The following PGCKA1 variants were observed in gnomAD, a reference collection of about 807,000 sequenced individuals.
PGCKA1 encodes PDCD10 and GCKIII kinases-associated protein 1.
At chr4:37,504,905 C>G in the PGCKA1 span, among the ~76,000 whole-genome samples, 3 of 152,100 alleles carry the variant, frequency 2.0e-5, no homozygotes, top group Admixed American at 2.0e-4. Context: ...TCTGGATGCC[C>G]TTTATTTCTT....
the PGCKA1 span, among the ~76,000 whole-genome samples, chr4:37,484,900 A>G: frequency 6.6e-6 from 1 of 152,236 alleles, no homozygotes; most frequent in African/African-American, 2.4e-5. Flanking sequence ...TCAGCCACCC[A>G]GTTTATGGTA....
chr4:37,482,017 T>C, the PGCKA1 span, among the ~76,000 whole-genome samples: 11 of 152,220 alleles, frequency 7.2e-5, no homozygotes, highest in Admixed American at 7.2e-4. Context: ...TCTGCCATGA[T>C]TGTAAGTTTC....
the PGCKA1 span, among the ~76,000 whole-genome samples, chr4:37,486,196 A>G: frequency 7.9e-5 from 12 of 152,082 alleles, no homozygotes; most frequent in African/African-American, 2.4e-4. Flanking sequence ...CATTTTATCC[A>G]TCTAAGCTGA....
chr4:37,459,618 G>A, the PGCKA1 span, among the ~76,000 whole-genome samples: 2 of 151,992 alleles, frequency 1.3e-5, no homozygotes, highest in Admixed American at 6.6e-5. Context: ...TAACCATCTG[G>A]GAGCTTGTTG....
the PGCKA1 span, among the ~76,000 whole-genome samples, chr4:37,510,149 A>C: frequency 3.3e-5 from 5 of 152,178 alleles, no homozygotes; most frequent in Non-Finnish European, 4.4e-5. Flanking sequence ...AGTTTCCTTA[A>C]AACAGCTATT....
At chr4:37,555,694 C>T in the PGCKA1 span, among the ~76,000 whole-genome samples, 1 of 152,158 alleles carries the variant, frequency 6.6e-6, no homozygotes, top group African/African-American at 2.4e-5. Context: ...GGTCTCGATC[C>T]TCTGCACAGC....
the PGCKA1 span, among the ~76,000 whole-genome samples, chr4:37,587,523 A>G: frequency 1.3e-5 from 2 of 152,208 alleles, no homozygotes; most frequent in African/African-American, 2.4e-5. Flanking sequence ...ATGAAGCAGC[A>G]TCCCTGGAAA....
the PGCKA1 span, among the ~76,000 whole-genome samples, chr4:37,477,283 G>A: frequency 6.6e-6 from 1 of 152,168 alleles, no homozygotes. Flanking sequence ...CTAAGGGAAA[G>A]AAACCAGACA....
chr4:37,565,117 G>A, the PGCKA1 span, among the ~76,000 whole-genome samples: 7 of 152,172 alleles, frequency 4.6e-5, no homozygotes, highest in Admixed American at 1.3e-4. Context: ...CTGTCCCCAC[G>A]AGGGTACAGG....
At chr4:37,537,446 A>G in the PGCKA1 span, among the ~76,000 whole-genome samples, 1,370 of 152,354 alleles carry the variant, frequency 9.0e-3, 20 homozygotes, top group African/African-American at 0.031. Flanking sequence ...GCTTACATGT[A>G]CAAATTTGCA....
At chr4:37,472,530 T>A in the PGCKA1 span, among the ~76,000 whole-genome samples, 2 of 152,152 alleles carry the variant, frequency 1.3e-5, no homozygotes, top group South Asian at 4.1e-4. Context: ...TCCTAAAGAG[T>A]TCTTGAGTAA....
the PGCKA1 span, among the ~76,000 whole-genome samples, chr4:37,457,739 A>G: frequency 6.6e-6 from 1 of 152,376 alleles, no homozygotes; most frequent in African/African-American, 2.4e-5. Flanking sequence ...AATGCATAAA[A>G]GAAGTCCACC....
At chr4:37,510,081 G>T in the PGCKA1 span, among the ~76,000 whole-genome samples, 1 of 152,102 alleles carries the variant, frequency 6.6e-6, no homozygotes, top group African/African-American at 2.4e-5. Context: ...TAATCTCTTT[G>T]TTAAATTTAT....
the PGCKA1 span, among the ~76,000 whole-genome samples, chr4:37,537,947 A>G: frequency 6.6e-6 from 1 of 152,188 alleles, no homozygotes; most frequent in South Asian, 2.1e-4. Context: ...AGTGTAAAGT[A>G]TCAAACACAT....
chr4:37,562,426 A>G, the PGCKA1 span, among the ~76,000 whole-genome samples: 2 of 152,242 alleles, frequency 1.3e-5, no homozygotes, highest in African/African-American at 4.8e-5. Flanking sequence ...GGAAGTGATA[A>G]TGATCCAGAT....
the PGCKA1 span, among the ~76,000 whole-genome samples, chr4:37,489,274 G>T: frequency 6.6e-6 from 1 of 152,086 alleles, no homozygotes; most frequent in South Asian, 2.1e-4. Context: ...GGAAATAAAA[G>T]TCATGTATAA....
the PGCKA1 span, among the ~76,000 whole-genome samples, chr4:37,477,233 A>G: frequency 3.3e-5 from 5 of 152,358 alleles, no homozygotes; most frequent in African/African-American, 1.2e-4. Context: ...CAGAGTACTG[A>G]TAACATGCTA....
chr4:37,558,630 A>G, the PGCKA1 span, among the ~76,000 whole-genome samples: 1 of 151,348 alleles, frequency 6.6e-6, no homozygotes, highest in Non-Finnish European at 1.5e-5. Context: ...TGCACAGCAA[A>G]AGAAACTACC....
chr4:37,549,016 T>C, the PGCKA1 span, among the ~76,000 whole-genome samples: 47 of 152,212 alleles, frequency 3.1e-4, no homozygotes, highest in African/African-American at 1.1e-3. Flanking sequence ...CCTGGAGTAA[T>C]AAGTCATGCC....
Sources: allele counts gnomAD v4.1 joint callset (sites outside exome capture counted in the v4.1 genomes callset), GRCh38; gene constraint gnomAD v4.1.1; transcripts MANE v1.5; gene names NCBI Gene and HGNC (gene_info 2026-07-23, HGNC 2026-07-21).